The following KBTBD11 variants were observed in gnomAD, a reference collection of about 807,000 sequenced individuals.
KBTBD11 encodes kelch repeat and BTB domain-containing protein 11.
For synonymous variants in KBTBD11, 747 were observed against 499.0 expected (o/e 1.50, Z -6.63); for missense variants, 1,390 against 1,001.8 (o/e 1.39, Z -5.23).
At position 2,005,782 on chromosome 8, in the gene KBTBD11, C is replaced by T. The variant is rs1024003812; in HGVS notation, c.*2718C>T. 3.6e-5 allele frequency: 6 copies of T among 167,086 alleles called. No homozygotes were observed. The highest frequency in any genetic ancestry group is 2.6e-4 in the Admixed American group (4 of 15,280). 10.4% of individuals were successfully genotyped at this position (167,086 alleles called of 1,614,324 possible). On this transcript the variant is annotated 3_prime_UTR_variant, in exon 2 of 2. Transcript: ENST00000320248. ...AAATGTCTGACTCGTGAAATTAACCCATACGCAGGGGCCTTTCCAAATGTC... is the reference window on the plus strand; with the variant it reads ...AAATGTCTGACTCGTGAAATTAACCTATACGCAGGGGCCTTTCCAAATGTC...
Position 2,003,047 on chromosome 8 carries a change from G to C in KBTBD11, c.1855G>C (p.Glu619Gln). The C allele has an allele frequency of 7.9e-7, 1 of 1,269,988 alleles. No homozygotes were observed. Among genetic ancestry groups the C allele is most frequent in the Non-Finnish European group, 9.9e-7 (1 of 1,005,622 alleles). 78.7% of individuals were successfully genotyped at this position (1,269,988 alleles called of 1,614,324 possible). ...CCTGCCTGAGAAGCCGCCCCGAGGG[G>C]AGCAGGGCGCCCCGTAGGCCGGCGG... ...LSLPEKPPRG[E>Q]QGAP Residue 619 changes from glutamate (E) to glutamine (Q), a missense_variant, in exon 2 of 2, where the codon GAG (glutamate) becomes CAG (glutamine). Transcript: ENST00000320248.
chr8:1,979,882 G>C (rs1676089153), intron 1 of KBTBD11, among the ~76,000 whole-genome samples: 1 of 152,210 alleles, frequency 6.6e-6, no homozygotes, highest in Admixed American at 6.5e-5. Context: ...CTGGGCTCTT[G>C]GATCTCTTTG....
At chr8:1,987,725 T>TTTATTATTATTATTATTATTA (rs10628962) in intron 1 of KBTBD11, among the ~76,000 whole-genome samples, 2 of 149,250 alleles carry the variant, frequency 1.3e-5, no homozygotes, top group Admixed American at 6.7e-5. Context: ...TTTTGGAGCC[T>TTTATTATTATTATTATTATTA]TTATTATTAT....
At position 1,988,088 on chromosome 8, in the gene KBTBD11, T is replaced by C. The variant is rs565528446; in HGVS notation, c.-908-12197T>C. On this transcript the variant is annotated intron_variant, in intron 1 of 1. Coordinates refer to ENST00000320248, the MANE Select transcript of KBTBD11 (RefSeq NM_014867.3). ...CATCCTTTTTATGGTTGCATAGTAT[T>C]CCATGGTGTATATGTGCCACATTTT... Among the ~76,000 whole-genome samples the C allele has an allele frequency of 7.9e-5, 12 of 152,352 alleles. No homozygotes were observed. In the South Asian group the frequency reaches 1.7e-3, roughly 21 times the overall value.
At chr8:1,987,052 A>G (rs942294155) in intron 1 of KBTBD11, among the ~76,000 whole-genome samples, 2 of 151,064 alleles carry the variant, frequency 1.3e-5, no homozygotes, top group African/African-American at 4.9e-5. Flanking sequence ...ACACACACAC[A>G]AAGAAGGAAC....
At chr8:1,999,232 A>G (rs1282180725) in intron 1 of KBTBD11, among the ~76,000 whole-genome samples, 2 of 152,242 alleles carry the variant, frequency 1.3e-5, no homozygotes, top group Non-Finnish European at 2.9e-5. Flanking sequence ...ATACTGGGAA[A>G]GCCTTTTCAG....
At chr8:1,978,048 G>T (rs1448716239) in intron 1 of KBTBD11, among the ~76,000 whole-genome samples, 3 of 152,164 alleles carry the variant, frequency 2.0e-5, no homozygotes, top group Non-Finnish European at 4.4e-5. Flanking sequence ...GTGCAGTTTT[G>T]TTACATAGGT....
At chr8:1,974,768 C>T (rs967188737) in intron 1 of KBTBD11, 8 of 907,632 alleles carry the variant, frequency 8.8e-6, no homozygotes, top group South Asian at 1.0e-4. Context: ...GAACCAAAGT[C>T]CCTCCACCTC....
intron 1 of KBTBD11, among the ~76,000 whole-genome samples, chr8:1,979,711 A>G (rs186141015): frequency 1.3e-3 from 199 of 152,316 alleles, no homozygotes; most frequent in Non-Finnish European, 2.3e-3. Flanking sequence ...GGACACATAA[A>G]AGTACCTATC....
Position 1,989,481 on chromosome 8 carries a change from A to T in KBTBD11, c.-908-10804A>T, listed in dbSNP as rs78938173. Among the ~76,000 whole-genome samples, 604 of 152,284 alleles carry T rather than the reference A, an allele frequency of 4.0e-3. 7 individuals carry two copies. The highest frequency in any genetic ancestry group is 0.013 in the African/African-American group (534 of 41,546). On this transcript the variant is annotated intron_variant, in intron 1 of 1. Coordinates refer to ENST00000320248, the MANE Select transcript of KBTBD11 (RefSeq NM_014867.3). Reference sequence around the variant, plus strand: ...TGCAAGGACATCTCATTCCTCTTCTACTTTCAAGTATGGTCCATGCAGGTG... The same window carrying T: ...TGCAAGGACATCTCATTCCTCTTCTTCTTTCAAGTATGGTCCATGCAGGTG...
rs959978555 is a variant in KBTBD11 at position 2,001,057 on chromosome 8, G to C, written c.-136G>C. ...TTCACACACACAACAACAAAGCGTG[G>C]ACACACAGAAGTGAAATCTGATCGC... On this transcript the variant is annotated 5_prime_UTR_variant, in exon 2 of 2. Transcript: ENST00000320248. 1.6e-5 allele frequency: 19 copies of C among 1,158,676 alleles called. No homozygotes were observed. Among genetic ancestry groups the C allele is most frequent in the Non-Finnish European group, 2.0e-5 (18 of 913,136 alleles). The allele number at this position is 1,158,676 out of a possible 1,614,324, so 71.8% of individuals were successfully genotyped here. A position where few individuals can be genotyped will look rare whatever the true frequency, so the allele number is the denominator to read the frequency against.
intron 1 of KBTBD11, among the ~76,000 whole-genome samples, chr8:1,993,958 C>CACACACACACACACACA (rs1554527404): frequency 6.8e-6 from 1 of 148,134 alleles, no homozygotes; most frequent in African/African-American, 2.5e-5. Flanking sequence ...CACACACACA[C>CACACACACACACACACA]AAAACCCCAT....
intron 1 of KBTBD11, among the ~76,000 whole-genome samples, chr8:1,999,036 C>G (rs1323560225): frequency 6.6e-6 from 1 of 152,198 alleles, no homozygotes; most frequent in Non-Finnish European, 1.5e-5. Flanking sequence ...CCCTGGGGAT[C>G]AGAGCTTCAA....
chr8:1,993,880 G>A (rs1817028933), intron 1 of KBTBD11, among the ~76,000 whole-genome samples: 1 of 148,676 alleles, frequency 6.7e-6, no homozygotes, highest in Non-Finnish European at 1.5e-5. Flanking sequence ...ATCAAGAATT[G>A]CACAGGCAAA....
intron 1 of KBTBD11, among the ~76,000 whole-genome samples, chr8:1,977,197 T>G (rs1318044778): frequency 6.6e-6 from 1 of 152,116 alleles, no homozygotes; most frequent in Non-Finnish European, 1.5e-5. Flanking sequence ...GACCCCTGCT[T>G]TAGAGCTTGA....
rs574986325 is a variant in KBTBD11, at chr8:2,006,865, T to C, written c.*3801T>C. ...TGCTTGACTTTTAAAATCCTGGGCA[T>C]AAATAGTGCAGAGCCTCGTATGTTT... On this transcript the variant is annotated 3_prime_UTR_variant, in exon 2 of 2. Transcript: ENST00000320248. 2 of 167,156 alleles carry C rather than the reference T, an allele frequency of 1.2e-5. No homozygotes were observed. Among genetic ancestry groups the C allele is most frequent in the African/African-American group, 4.8e-5 (2 of 41,592 alleles). The allele number at this position is 167,156 out of a possible 1,614,324, so 10.4% of individuals were successfully genotyped here. A position where few individuals can be genotyped will look rare whatever the true frequency, so the allele number is the denominator to read the frequency against.
intron 1 of KBTBD11, among the ~76,000 whole-genome samples, chr8:1,983,068 C>T (rs1816592551): frequency 6.6e-6 from 1 of 152,078 alleles, no homozygotes; most frequent in South Asian, 2.1e-4. Context: ...GTTGACTGTA[C>T]CCAGTCCCCT....
At chr8:1,993,484 TCC>T in intron 1 of KBTBD11, among the ~76,000 whole-genome samples, 1 of 88,782 alleles carries the variant, frequency 1.1e-5, no homozygotes, top group Admixed American at 1.3e-4. Flanking sequence ...CATCCATCTA[TCC>T]GTCCATCCGT....
intron 1 of KBTBD11, among the ~76,000 whole-genome samples, chr8:1,984,207 G>A (rs1816634482): frequency 6.6e-6 from 1 of 152,076 alleles, no homozygotes; most frequent in Non-Finnish European, 1.5e-5. Context: ...GGAGGCCGAG[G>A]TGGGAGGATC....
Sources: allele counts gnomAD v4.1 joint callset (sites outside exome capture counted in the v4.1 genomes callset), GRCh38; gene constraint gnomAD v4.1.1; transcripts MANE v1.5; gene names NCBI Gene and HGNC (gene_info 2026-07-23, HGNC 2026-07-21).